The following CSGALNACT1 variants were observed in gnomAD, a reference collection of about 807,000 sequenced individuals.
CSGALNACT1 encodes chondroitin sulfate N-acetylgalactosaminyltransferase 1.
Under a neutral mutation model 51.0 loss-of-function variants are expected in CSGALNACT1, and 52 were observed. That is an observed-to-expected ratio of 1.02 (90% CI 0.82 to 1.29). The LOEUF (loss-of-function observed/expected upper bound fraction) is 1.29. Ranked by LOEUF, CSGALNACT1 falls within the 50% of genes most tolerant of loss-of-function variation. The pLI is 0.00. For synonymous variants in CSGALNACT1, 341 were observed against 254.4 expected, an observed-to-expected ratio of 1.34 and a Z score of -3.24; for missense variants, 935 against 679.2, an observed-to-expected ratio of 1.38 and a Z score of -4.19.
At chr8:19,669,535 T>C (rs1208883802) in intron 1 of CSGALNACT1, among the ~76,000 whole-genome samples, 3 of 152,178 alleles carry the variant, frequency 2.0e-5, no homozygotes, top group African/African-American at 7.2e-5. Flanking sequence ...CACTGCAACT[T>C]CTCCCTCCCA....
chr8:19,599,168 G>A (rs1248170296), intron 2 of CSGALNACT1, among the ~76,000 whole-genome samples: 1 of 151,716 alleles, frequency 6.6e-6, no homozygotes, highest in Non-Finnish European at 1.5e-5. Context: ...CAGGGGAGGG[G>A]GAGCACAGAG....
intron 4 of CSGALNACT1, among the ~76,000 whole-genome samples, chr8:19,470,231 A>G (rs2067808057): frequency 6.6e-6 from 1 of 152,128 alleles, no homozygotes; most frequent in African/African-American, 2.4e-5. Context: ...CAAATAGAGA[A>G]AGCTTGGGGC....
chr8:19,519,781 C>T (rs1447581085), intron 3 of CSGALNACT1, among the ~76,000 whole-genome samples: 1 of 152,168 alleles, frequency 6.6e-6, no homozygotes, highest in Non-Finnish European at 1.5e-5. Context: ...CTGTATGCTC[C>T]CTTCTCCCAG....
At chr8:19,684,510 C>T (rs1171075375), upstream of CSGALNACT1, among the ~76,000 whole-genome samples, 1 of 152,094 alleles carries the variant, frequency 6.6e-6, no homozygotes, top group Non-Finnish European at 1.5e-5. Flanking sequence ...GCTGGGGTGA[C>T]TCCCCATAAC....
chr8:19,695,710 T>G (rs1163856667), intron 1 of CSGALNACT1, among the ~76,000 whole-genome samples: 1 of 152,178 alleles, frequency 6.6e-6, no homozygotes, highest in Non-Finnish European at 1.5e-5. Context: ...CATGGGTAAT[T>G]TAGAAAGGCC....
intron 1 of CSGALNACT1, among the ~76,000 whole-genome samples, chr8:19,617,543 A>G (rs2053204887): frequency 6.6e-6 from 1 of 152,246 alleles, no homozygotes; most frequent in African/African-American, 2.4e-5. Context: ...TAATAAACAC[A>G]AAACACAGTT....
At chr8:19,614,890 G>C (rs1390553773) in intron 1 of CSGALNACT1, among the ~76,000 whole-genome samples, 2 of 152,190 alleles carry the variant, frequency 1.3e-5, no homozygotes, top group African/African-American at 2.4e-5. Flanking sequence ...ACAGTGAGGG[G>C]TAACCAGAAG....
In CSGALNACT1 at chr8:19,431,155, T is replaced by G. The variant is rs531963379; in HGVS notation, c.953+8675A>C. On this transcript the variant is annotated intron_variant, in intron 6 of 9. Coordinates refer to ENST00000454498, the Ensembl canonical transcript of CSGALNACT1. ...CTTTTTCCTTTCCAATCTGGATGACTGTTATTTCTTTTTCTTATCCAACTG... is the reference window on the plus strand; with the variant it reads ...CTTTTTCCTTTCCAATCTGGATGACGGTTATTTCTTTTTCTTATCCAACTG... Among the ~76,000 whole-genome samples the G allele has an allele frequency of 4.6e-5, 7 of 152,246 alleles. No individual in the cohort carries two copies. The South Asian group carries it at 1.5e-3, about 32-fold the overall frequency.
At chr8:19,646,611 C>A (rs190642824) in intron 1 of CSGALNACT1, among the ~76,000 whole-genome samples, 4 of 152,082 alleles carry the variant, frequency 2.6e-5, no homozygotes, top group African/African-American at 9.7e-5. Context: ...GATAAGGAAA[C>A]GCCACCTTTA....
At chr8:19,493,188 C>A (rs886751952) in intron 4 of CSGALNACT1, among the ~76,000 whole-genome samples, 2 of 152,198 alleles carry the variant, frequency 1.3e-5, no homozygotes, top group African/African-American at 2.4e-5. Flanking sequence ...ACACATTCAG[C>A]CTCCCCCAAC....
rs113620770 is a variant in CSGALNACT1, at chr8:19,696,288, C to T, written c.-297+61562G>A. Among the ~76,000 whole-genome samples, 12 of 152,286 alleles carry T rather than the reference C, an allele frequency of 7.9e-5. 2 individuals carry two copies. Among genetic ancestry groups the T allele is most frequent in the African/African-American group, 2.9e-4 (12 of 41,548 alleles). ...CCTCAAACACCACTGTAGCATCTTA[C>T]AGTAAAGCAAGATAATGTGTGTCAT... is the stretch of plus-strand genomic sequence containing the variant. On this transcript the variant is annotated intron_variant, in intron 1 of 1. Transcript: ENST00000517494.
intron 4 of CSGALNACT1, among the ~76,000 whole-genome samples, chr8:19,492,158 C>T (rs1052393298): frequency 1.3e-5 from 2 of 152,190 alleles, no homozygotes; most frequent in African/African-American, 2.4e-5. Context: ...ATTTAAGTAA[C>T]AAAATGCTAA....
intron 1 of CSGALNACT1, among the ~76,000 whole-genome samples, chr8:19,643,706 G>A (rs865972132): frequency 5.9e-5 from 9 of 151,838 alleles, no homozygotes; most frequent in African/African-American, 1.9e-4. Context: ...ATTTTCTGAA[G>A]TTTAATAAAT....
chr8:19,697,375 T>G (rs2061637304), intron 1 of CSGALNACT1, among the ~76,000 whole-genome samples: 1 of 151,180 alleles, frequency 6.6e-6, no homozygotes, highest in African/African-American at 2.4e-5. Flanking sequence ...TGATGAACAG[T>G]GGGGTTGATC....
intron 3 of CSGALNACT1, among the ~76,000 whole-genome samples, chr8:19,586,004 T>A (rs2154127469): frequency 6.6e-6 from 1 of 152,210 alleles, no homozygotes; most frequent in African/African-American, 2.4e-5. Context: ...AGTCCCCATA[T>A]CACCTCAGTT....
chr8:19,405,383 A>G, exon 10 of CSGALNACT1: 1 of 458,342 alleles, frequency 2.2e-6, no homozygotes, highest in Non-Finnish European at 4.4e-6. Context: ...TGATAGGCTC[A>G]TTCATATGAG....
intron 3 of CSGALNACT1, among the ~76,000 whole-genome samples, chr8:19,521,824 G>T (rs916056833): frequency 1.3e-5 from 2 of 152,200 alleles, no homozygotes; most frequent in African/African-American, 4.8e-5. Flanking sequence ...AGGAATGGAA[G>T]ATAAGAGAGG....
chr8:19,726,584 G>A (rs1289708209), intron 1 of CSGALNACT1, among the ~76,000 whole-genome samples: 3 of 152,038 alleles, frequency 2.0e-5, no homozygotes, highest in Non-Finnish European at 4.4e-5. Flanking sequence ...TTTTGGTGGT[G>A]AGAACATTTA....
intron 2 of CSGALNACT1, among the ~76,000 whole-genome samples, chr8:19,599,472 A>AAAAGAAAGAAAGAAAGAGAAAG (rs2049818977): frequency 8.8e-6 from 1 of 113,736 alleles, no homozygotes; most frequent in Non-Finnish European, 1.7e-5. Context: ...GAAAGAAAGA[A>AAAAGAAAGAAAGAAAGAGAAAG]AAAGAAAGAA....
Sources: gnomAD v4.1 joint callset for allele counts (sites outside exome capture counted in the v4.1 genomes callset) on GRCh38, gnomAD v4.1.1 for gene constraint, MANE v1.5 for transcripts, NCBI Gene and HGNC (gene_info 2026-07-23, HGNC 2026-07-21) for gene names.